Variants in HDAC8 observed in about 807,000 individuals in gnomAD.
HDAC8 encodes the protein histone deacetylase-like 1.
A neutral mutation model predicts 32.2 loss-of-function variants in HDAC8; 1 was observed. The ratio of observed to expected loss-of-function variants is 0.03; its 90% confidence interval spans 0.01 to 0.15. The LOEUF (loss-of-function observed/expected upper bound fraction) is 0.15. Among genes scored for constraint, HDAC8 ranks in the 10% least tolerant of loss-of-function variants. HDAC8 has a pLI of 1.00. For synonymous variants in HDAC8, 108 were observed against 113.9 expected (o/e 0.95, Z 0.33); for missense variants, 117 against 300.0 (o/e 0.39, Z 4.51).
chrX:72,456,274 T>C (rs2047714308), intron 9 of HDAC8, among the ~76,000 whole-genome samples: 1 of 111,875 alleles, frequency 8.9e-6, no homozygotes, highest in South Asian at 3.7e-4. Flanking sequence ...ATATGCTGGA[T>C]TTATTCTACT....
At chrX:72,487,557 T>C (rs1303441679) in intron 7 of HDAC8, among the ~76,000 whole-genome samples, 4 of 110,073 alleles carry the variant, frequency 3.6e-5, no homozygotes, top group African/African-American at 1.3e-4. Context: ...TAGGGCTTTG[T>C]AAGGGGTACA....
chrX:72,334,836 T>C (rs2147676152), intron 10 of HDAC8, among the ~76,000 whole-genome samples: 1 of 111,690 alleles, frequency 9.0e-6, no homozygotes, highest in South Asian at 3.8e-4. Flanking sequence ...ATACTGTTAC[T>C]CTAGCTCTGA....
At chrX:72,561,313 C>G (rs1324977923) in intron 4 of HDAC8, among the ~76,000 whole-genome samples, 8 of 112,285 alleles carry the variant, frequency 7.1e-5, no homozygotes, top group African/African-American at 2.3e-4. Flanking sequence ...ACCAAAACAG[C>G]ACGATACTGG....
chrX:72,386,141 G>A (rs1555961347), intron 9 of HDAC8, among the ~76,000 whole-genome samples: 2 of 112,214 alleles, frequency 1.8e-5, no homozygotes, highest in African/African-American at 6.5e-5. Context: ...CAGTTTAATG[G>A]CCTGAAATGG....
At chrX:72,503,287 A>G (rs1556017136) in intron 4 of HDAC8, among the ~76,000 whole-genome samples, 1 of 112,115 alleles carries the variant, frequency 8.9e-6, no homozygotes, top group Admixed American at 9.5e-5. Flanking sequence ...GATGGTTTAA[A>G]CAACTTTGAG....
At chrX:72,555,269 C>G (rs2051244802) in intron 4 of HDAC8, among the ~76,000 whole-genome samples, 2 of 111,984 alleles carry the variant, frequency 1.8e-5, no homozygotes, top group Non-Finnish European at 3.8e-5. Flanking sequence ...AATCCCAGAT[C>G]TTCCCTCAGA....
chrX:72,540,740 A>G (rs1286347518), intron 4 of HDAC8, among the ~76,000 whole-genome samples: 1 of 112,460 alleles, frequency 8.9e-6, no homozygotes, highest in Non-Finnish European at 1.9e-5. Flanking sequence ...TTGAGAATCT[A>G]TCTTGAGAAG....
intron 4 of HDAC8, among the ~76,000 whole-genome samples, chrX:72,524,021 A>C (rs1556030281): frequency 8.9e-6 from 1 of 112,198 alleles, no homozygotes; most frequent in Admixed American, 9.4e-5. Context: ...CTGTAAATGA[A>C]GTTTTATTGG....
At chrX:72,408,142 C>T (rs1406321350) in intron 9 of HDAC8, among the ~76,000 whole-genome samples, 1 of 111,683 alleles carries the variant, frequency 9.0e-6, no homozygotes, top group African/African-American at 3.3e-5. Context: ...TTTAGAATCT[C>T]ACATTCTAGG....
intron 4 of HDAC8, among the ~76,000 whole-genome samples, chrX:72,497,824 A>G (rs2049075506): frequency 8.9e-6 from 1 of 112,035 alleles, no homozygotes; most frequent in African/African-American, 3.2e-5. Context: ...GAATTAATGA[A>G]TATTCATTAC....
chrX:72,424,984 C>T (rs1555974892), intron 9 of HDAC8, among the ~76,000 whole-genome samples: 2 of 111,969 alleles, frequency 1.8e-5, no homozygotes, highest in African/African-American at 3.2e-5. Flanking sequence ...GTTGTTTACA[C>T]CTTTTGACTA....
chrX:72,392,202 T>C (rs782468941), intron 9 of HDAC8, among the ~76,000 whole-genome samples: 1 of 111,798 alleles, frequency 8.9e-6, no homozygotes, highest in Non-Finnish European at 1.9e-5. Flanking sequence ...AGGTACCAAC[T>C]CTACACAGAC....
At chrX:72,338,919 A>T (rs2043810938) in intron 10 of HDAC8, among the ~76,000 whole-genome samples, 1 of 108,726 alleles carries the variant, frequency 9.2e-6, no homozygotes, top group African/African-American at 3.3e-5. Flanking sequence ...AAAATAAGAA[A>T]AAAACTTTAA....
intron 9 of HDAC8, among the ~76,000 whole-genome samples, chrX:72,399,629 G>C (rs1319916264): frequency 8.9e-6 from 1 of 111,755 alleles, no homozygotes; most frequent in African/African-American, 3.3e-5. Flanking sequence ...GCTTCACTTT[G>C]TTGCCTAGGC....
At chrX:72,510,793 C>G (rs2049556607) in intron 4 of HDAC8, among the ~76,000 whole-genome samples, 2 of 111,836 alleles carry the variant, frequency 1.8e-5, no homozygotes, top group Admixed American at 1.9e-4. Flanking sequence ...GCTTCTTTAG[C>G]ACACTTTTTT....
intron 4 of HDAC8, among the ~76,000 whole-genome samples, chrX:72,549,324 T>C (rs2050985587): frequency 9.0e-6 from 1 of 110,527 alleles, no homozygotes; most frequent in Admixed American, 9.7e-5. Context: ...CTTATTATTC[T>C]ATATATGCTT....
At chrX:72,537,024 G>A (rs782642762) in intron 4 of HDAC8, among the ~76,000 whole-genome samples, 1 of 111,901 alleles carries the variant, frequency 8.9e-6, no homozygotes, top group East Asian at 2.8e-4. Flanking sequence ...CCTCCCTTAT[G>A]ACTTAGAATA....
At chrX:72,445,215 G>T (rs1263187705) in intron 9 of HDAC8, among the ~76,000 whole-genome samples, 1 of 109,632 alleles carries the variant, frequency 9.1e-6, no homozygotes, top group Non-Finnish European at 1.9e-5. Flanking sequence ...AAAAGAGCCC[G>T]CATCACCAAG....
intron 4 of HDAC8, among the ~76,000 whole-genome samples, chrX:72,498,699 ATATAT>A (rs2049111428): frequency 8.9e-6 from 1 of 111,831 alleles, no homozygotes; most frequent in Non-Finnish European, 1.9e-5. Context: ...TATATTGATG[ATATAT>A]TATGTCAGGA....
Sources: allele counts gnomAD v4.1 joint callset (sites outside exome capture counted in the v4.1 genomes callset), GRCh38; gene constraint gnomAD v4.1.1; transcripts MANE v1.5; gene names NCBI Gene and HGNC (gene_info 2026-07-23, HGNC 2026-07-21).